DNAH17: variants seen among roughly 807,000 people sequenced by gnomAD.
The protein encoded by DNAH17 is axonemal beta dynein heavy chain 17.
Under a neutral mutation model 485.6 loss-of-function variants are expected in DNAH17, and 376 were observed. The ratio of observed to expected loss-of-function variants is 0.77; its 90% CI spans 0.71 to 0.84. The LOEUF (loss-of-function observed/expected upper bound fraction) is 0.84, where lower values mean the gene tolerates loss of function less well. Ranked by LOEUF, DNAH17 falls within the 40% of genes least tolerant of loss-of-function variation. DNAH17 has a pLI of 0.00. For missense variants in DNAH17, 6,370 were observed against 5,839.3 expected, an observed-to-expected ratio of 1.09 and a Z score of -2.96; for synonymous variants, 3,031 against 2,405.9, an observed-to-expected ratio of 1.26 and a Z score of -7.60.
intron 16 of DNAH17, 145 bp from the exon 17 acceptor site, chr17:78,544,142 CA>C: frequency 8.3e-7 from 1 of 1,201,128 alleles, no homozygotes. Flanking sequence ...CCATGCCCAT[CA>C]GGGGCTACTA....
intron 56 of DNAH17, 45 bp from the exon 57 acceptor site, chr17:78,463,122 A>C: frequency 6.3e-7 from 1 of 1,582,488 alleles, no homozygotes; most frequent in South Asian, 1.1e-5. Flanking sequence ...CCCATCCTGC[A>C]AATCAGCAAA....
intron 6 of DNAH17, 29 bp downstream of exon 6, chr17:78,570,919 C>T: frequency 1.3e-6 from 2 of 1,498,780 alleles, no homozygotes; most frequent in Non-Finnish European, 9.0e-7. Flanking sequence ...ACCCTCCCCA[C>T]CAAAGCCGGC....
intron 54 of DNAH17, among the ~76,000 whole-genome samples, chr17:78,472,474 G>A (rs901163465): frequency 3.9e-5 from 6 of 152,150 alleles, no homozygotes; most frequent in Non-Finnish European, 5.9e-5. Context: ...CAGGAAGCTG[G>A]CGGGGAGGCG....
chr17:78,546,422 C>T (rs2091765895), intron 16 of DNAH17, among the ~76,000 whole-genome samples: 1 of 151,954 alleles, frequency 6.6e-6, no homozygotes, highest in African/African-American at 2.4e-5. Context: ...TAATGTTTGC[C>T]CTTTGTTATC....
At chr17:78,484,031 G>A (rs1288250044) in intron 48 of DNAH17, among the ~76,000 whole-genome samples, 2 of 143,776 alleles carry the variant, frequency 1.4e-5, no homozygotes, top group Non-Finnish European at 3.0e-5. Flanking sequence ...AGGAGGCGGA[G>A]GTTGCAGTAA....
chr17:78,451,199 C>T (rs75188384), intron 66 of DNAH17, among the ~76,000 whole-genome samples: 1,705 of 152,334 alleles, frequency 0.011, 32 homozygotes, highest in African/African-American at 0.039. Context: ...TTAGAGCCCC[C>T]GAGGACCGCT....
intron 80 of DNAH17, 42 bp from the exon 81 acceptor site, chr17:78,424,195 A>T (rs549087180): frequency 2.7e-5 from 43 of 1,573,366 alleles, no homozygotes; most frequent in African/African-American, 4.0e-5. Flanking sequence ...TGCTGCCAGT[A>T]AGTGAGGGAG....
intron 24 of DNAH17, 144 bp downstream of exon 24, chr17:78,526,507 C>T: frequency 3.1e-6 from 2 of 648,814 alleles, no homozygotes; most frequent in South Asian, 2.1e-5. Context: ...TATGTGCATG[C>T]ATACACATAA....
At chr17:78,457,629 G>A (rs1171339911) in intron 62 of DNAH17, among the ~76,000 whole-genome samples, 5 of 150,680 alleles carry the variant, frequency 3.3e-5, no homozygotes, top group Non-Finnish European at 7.4e-5. Context: ...CAAGTGCTGG[G>A]ACTACAGGTG....
At chr17:78,476,353 G>C (rs7405795) in intron 52 of DNAH17, among the ~76,000 whole-genome samples, 1 of 80,850 alleles carries the variant, frequency 1.2e-5, no homozygotes, top group Non-Finnish European at 2.4e-5. Context: ...CGGAGTTATC[G>C]CGTGGAACCC....
intron 65 of DNAH17, 21 bp downstream of exon 65, chr17:78,453,322 A>ACGGAGG: frequency 6.2e-7 from 1 of 1,611,094 alleles, no homozygotes; most frequent in Non-Finnish European, 8.5e-7. Flanking sequence ...GGCTCAAGCC[A>ACGGAGG]CGGAGGCGGA....
At chr17:78,427,630 G>A (rs1018889432) in intron 77 of DNAH17, among the ~76,000 whole-genome samples, 4 of 152,148 alleles carry the variant, frequency 2.6e-5, no homozygotes, top group African/African-American at 7.2e-5. Context: ...GTCTTTACCG[G>A]GAAGTCCTGT....
At chr17:78,556,440 G>A (rs1436395192) in intron 14 of DNAH17, among the ~76,000 whole-genome samples, 1 of 152,222 alleles carries the variant, frequency 6.6e-6, no homozygotes, top group Non-Finnish European at 1.5e-5. Context: ...CTGACCTCCA[G>A]AACTAGAAGG....
chr17:78,443,917 G>A (rs2087171169), intron 71 of DNAH17, among the ~76,000 whole-genome samples: 1 of 152,186 alleles, frequency 6.6e-6, no homozygotes, highest in African/African-American at 2.4e-5. Flanking sequence ...GAAATGAAAA[G>A]GGGAGAAGCC....
intron 71 of DNAH17, among the ~76,000 whole-genome samples, chr17:78,443,405 C>T (rs1391808425): frequency 6.6e-6 from 1 of 152,202 alleles, no homozygotes; most frequent in African/African-American, 2.4e-5. Context: ...CGCTGCTCTC[C>T]TGCATCACAG....
At chr17:78,551,404 G>T in intron 16 of DNAH17, 131 bp downstream of exon 16, 1 of 725,314 alleles carries the variant, frequency 1.4e-6, no homozygotes. Flanking sequence ...CCGGTGGAGA[G>T]CACTGCACGG....
Position 78,449,968 on chromosome 17 carries a change from G to A in DNAH17, c.11040+286C>T, listed in dbSNP as rs904843335. On this transcript the variant is annotated intron_variant, in intron 68 of 80. Transcript: ENST00000389840. ...TGAGATGACAGGCATGAGCCACCAT[G>A]CCAGGCCATCCAGTTTGTTTTGATT... 5 of 500,000 alleles carry A rather than the reference G, an allele frequency of 1.0e-5. No individual in the cohort carries two copies. In the East Asian group the frequency reaches 1.7e-4, roughly 17 times the overall value. 31.0% of individuals were successfully genotyped at this position (500,000 alleles called of 1,614,324 possible).
rs539045085 is a variant in DNAH17, at chr17:78,442,152, C to T, written c.11529-953G>A. Reference sequence around the variant, plus strand: ...GAAAGGAGGACAAATGGCCGCATCCCGAAGGGTGAGAACTGCTCGTCCCTG... The same window carrying T: ...GAAAGGAGGACAAATGGCCGCATCCTGAAGGGTGAGAACTGCTCGTCCCTG... On this transcript the variant is annotated intron_variant, in intron 71 of 80. Transcript: ENST00000389840. Among the ~76,000 whole-genome samples, 32 of 152,278 alleles carry T rather than the reference C, an allele frequency of 2.1e-4. No homozygotes were observed. In the South Asian group the frequency reaches 6.2e-3, roughly 30 times the overall value.
rs368925617 is a variant in DNAH17 at position 78,567,092 on chromosome 17, G to A, written c.1359C>T (p.Leu453=). ...CATAGATACGGGTCACCAGGCTCCCGAGGAGGTTCCCACGCACGCCCCCAA... is the reference window on the plus strand; with the variant it reads ...CATAGATACGGGTCACCAGGCTCCCAAGGAGGTTCCCACGCACGCCCCCAA... ...IELGGVRGNL[L]GSLVTRIYDE... Residue 453 remains leucine, a synonymous_variant, in exon 10 of 81, where the codon CTC becomes CTT. Transcript: ENST00000389840. 272 of 1,613,032 alleles carry A rather than the reference G, an allele frequency of 1.7e-4. 4 individuals are homozygous for A. The South Asian group carries it at 2.3e-3, about 14-fold the overall frequency.
Sources: gnomAD v4.1 joint callset for allele counts (sites outside exome capture counted in the v4.1 genomes callset) on GRCh38, gnomAD v4.1.1 for gene constraint, MANE v1.5 for transcripts, NCBI Gene and HGNC (gene_info 2026-07-23, HGNC 2026-07-21) for gene names.